AEBP2: variants seen among roughly 807,000 people sequenced by gnomAD.
AEBP2 encodes the protein zinc finger protein AEBP2.
In AEBP2, 10 loss-of-function variants were observed where a neutral mutation model predicts 50.8. The ratio of observed to expected loss-of-function variants is 0.20; its 90% CI spans 0.12 to 0.33. The LOEUF (loss-of-function observed/expected upper bound fraction) is 0.33. Among genes scored for constraint, AEBP2 ranks in the 10% least tolerant of loss-of-function variants. AEBP2 has a pLI of 1.00. For missense variants in AEBP2, 570 were observed against 688.0 expected (o/e 0.83, Z 1.92); for synonymous variants, 296 against 261.3 (o/e 1.13, Z -1.28).
chr12:19,409,261 C>T (rs928331140), intron 1 of AEBP2, among the ~76,000 whole-genome samples: 1 of 151,824 alleles, frequency 6.6e-6, no homozygotes, highest in Non-Finnish European at 1.5e-5. Flanking sequence ...AGTTCAATTA[C>T]AGAACTTCGC....
intron 1 of AEBP2, among the ~76,000 whole-genome samples, chr12:19,450,320 A>C (rs1252341596): frequency 4.6e-5 from 7 of 151,560 alleles, no homozygotes; most frequent in Admixed American, 4.6e-4. Context: ...ATTTCTTTCT[A>C]CCCTCAGTGT....
chr12:19,440,229 G>C lies in AEBP2; in HGVS notation c.530G>C (p.Ser177Thr), dbSNP rs1947926710. ...SQGGGGGGSS[S>T]SSVVSSGGDE... ...GGCGGCGGCGGGGGCGGCAGCAGTA[G>C]CAGCAGCGTAGTCTCCAGCGGCGGC... is the stretch of plus-strand genomic sequence containing the variant. The change falls in exon 1 of 8, where the codon AGC becomes ACC. Residue 177 changes from serine (S) to threonine (T), a missense_variant. Transcript: ENST00000266508. The C allele has an allele frequency of 6.8e-7, 1 of 1,474,316 alleles. No individual in the cohort carries two copies. Among genetic ancestry groups the C allele is most frequent in the Admixed American group, 2.5e-5 (1 of 40,080 alleles). 91.3% of individuals were successfully genotyped at this position (1,474,316 alleles called of 1,614,324 possible).
intron 5 of AEBP2, among the ~76,000 whole-genome samples, chr12:19,509,519 G>T (rs1421433330): frequency 2.0e-5 from 3 of 152,136 alleles, no homozygotes; most frequent in Non-Finnish European, 4.4e-5. Context: ...GCTGAGGTAG[G>T]CAGATCAGCT....
intron 3 of AEBP2, 69 bp from the exon 4 acceptor site, chr12:19,493,731 C>G: frequency 2.1e-6 from 3 of 1,403,910 alleles, no homozygotes. Flanking sequence ...ACTAGATATT[C>G]ACTCATTGAT....
At chr12:19,448,179 T>C (rs1309668904) in intron 1 of AEBP2, among the ~76,000 whole-genome samples, 1 of 152,172 alleles carries the variant, frequency 6.6e-6, no homozygotes, top group Non-Finnish European at 1.5e-5. Context: ...AGTGCTGGGA[T>C]TACAGGCGTG....
At chr12:19,440,391 C>T (rs781123543) in intron 1 of AEBP2, 21 bp downstream of exon 1, 36 of 1,467,408 alleles carry the variant, frequency 2.5e-5, no homozygotes, top group East Asian at 2.4e-5. Context: ...TGAAGCGTTT[C>T]CCCTTCCCTT....
chr12:19,476,666 T>C (rs1373090083), intron 3 of AEBP2, among the ~76,000 whole-genome samples: 9 of 152,164 alleles, frequency 5.9e-5, no homozygotes, highest in Admixed American at 5.9e-4. Flanking sequence ...CTCTATTACA[T>C]TGGTCTATGT....
chr12:19,503,836 T>G (rs1252885677), intron 5 of AEBP2, among the ~76,000 whole-genome samples: 1 of 152,158 alleles, frequency 6.6e-6, no homozygotes, highest in African/African-American at 2.4e-5. Flanking sequence ...TCCTTTGTCT[T>G]TCTTTCCCTT....
chr12:19,445,856 A>G (rs551167354), intron 1 of AEBP2: 2 of 152,276 alleles, frequency 1.3e-5, no homozygotes, highest in East Asian at 3.9e-4. Context: ...AATTGTTTTT[A>G]ATATGTACGT....
intron 5 of AEBP2, among the ~76,000 whole-genome samples, chr12:19,506,796 G>A (rs1949161264): frequency 6.6e-6 from 1 of 152,178 alleles, no homozygotes; most frequent in East Asian, 1.9e-4. Context: ...TGGAGATAAG[G>A]GTTGGATTCT....
At chr12:19,456,807 A>C (rs1827940161) in intron 1 of AEBP2, 7 of 1,563,714 alleles carry the variant, frequency 4.5e-6, no homozygotes, top group Non-Finnish European at 5.3e-6. Context: ...GGTGACCACC[A>C]TACCAGGTTT....
chr12:19,473,606 A>G (rs1201853567), intron 3 of AEBP2, among the ~76,000 whole-genome samples: 1 of 152,038 alleles, frequency 6.6e-6, no homozygotes, highest in Non-Finnish European at 1.5e-5. Context: ...GTGTTTCACC[A>G]TGTTGGCCAG....
intron 5 of AEBP2, among the ~76,000 whole-genome samples, chr12:19,508,397 G>GT (rs1949185530): frequency 6.6e-6 from 1 of 151,952 alleles, no homozygotes; most frequent in Non-Finnish European, 1.5e-5. Flanking sequence ...ACAGTGTTTT[G>GT]TTTTTGCTTA....
chr12:19,426,630 G>A (rs1428572208), intron 1 of AEBP2, among the ~76,000 whole-genome samples: 7 of 152,134 alleles, frequency 4.6e-5, no homozygotes, highest in Admixed American at 2.0e-4. Context: ...CTGGCCAGGC[G>A]TGGTGACTCA....
At chr12:19,460,617 G>A (rs1045125349) in intron 1 of AEBP2, among the ~76,000 whole-genome samples, 6 of 151,248 alleles carry the variant, frequency 4.0e-5, no homozygotes, top group Non-Finnish European at 7.4e-5. Context: ...CTCCCAGAGT[G>A]CTGGGATTAT....
Position 19,504,872 on chromosome 12 carries a change from A to G in AEBP2, c.1299+4651A>G, listed in dbSNP as rs139256925. Among the ~76,000 whole-genome samples the G allele has an allele frequency of 5.2e-4, 79 of 152,360 alleles. 1 individual carries two copies. In the East Asian group the frequency reaches 0.014, roughly 27 times the overall value. On this transcript the variant is annotated intron_variant, in intron 5 of 7. Transcript: ENST00000266508. ...ATTTAAAGGTAGAATTGTATATTTT[A>G]GAAATTAGATAAGGATATAAAGGAG...
At chr12:19,474,694 GT>G (rs1161736235) in intron 3 of AEBP2, among the ~76,000 whole-genome samples, 3 of 151,714 alleles carry the variant, frequency 2.0e-5, no homozygotes, top group Non-Finnish European at 4.4e-5. Context: ...CAGATTACTT[GT>G]TTTTCTATAT....
At chr12:19,486,278 G>A (rs969116185) in intron 3 of AEBP2, among the ~76,000 whole-genome samples, 2 of 152,102 alleles carry the variant, frequency 1.3e-5, no homozygotes, top group Non-Finnish European at 2.9e-5. Context: ...AGATTTGTAC[G>A]AATTGTATCA....
chr12:19,488,528 G>A (rs557161572), intron 3 of AEBP2, among the ~76,000 whole-genome samples: 2 of 152,030 alleles, frequency 1.3e-5, no homozygotes, highest in Non-Finnish European at 2.9e-5. Flanking sequence ...TGTATTTGTC[G>A]AAACCAAGAA....
Sources: gnomAD v4.1 joint callset for allele counts (sites outside exome capture counted in the v4.1 genomes callset) on GRCh38, gnomAD v4.1.1 for gene constraint, MANE v1.5 for transcripts, NCBI Gene and HGNC (gene_info 2026-07-23, HGNC 2026-07-21) for gene names.